GALNT7: variants seen among roughly 807,000 people sequenced by gnomAD.
GALNT7 encodes N-acetylgalactosaminyltransferase 7.
GALNT7 carries 60 observed loss-of-function variants against 82.1 expected under a neutral mutation model. The observed-to-expected ratio is 0.73, with a 90% CI of 0.59 to 0.91. The LOEUF (loss-of-function observed/expected upper bound fraction) is 0.91. GALNT7 is among the 40% of genes least tolerant of loss of function. The pLI is 0.00. For synonymous variants in GALNT7, 243 were observed against 275.1 expected (o/e 0.88, Z 1.15); for missense variants, 660 against 804.2 (o/e 0.82, Z 2.17).
At chr4:173,254,959 TA>T (rs1279984218) in intron 2 of GALNT7, among the ~76,000 whole-genome samples, 2 of 152,206 alleles carry the variant, frequency 1.3e-5, no homozygotes, top group Non-Finnish European at 2.9e-5. Context: ...CACACACATA[TA>T]AACACAAAAA....
intron 1 of GALNT7, among the ~76,000 whole-genome samples, chr4:173,191,439 G>A (rs61296981): frequency 0.066 from 10,023 of 152,204 alleles, 915 homozygotes; most frequent in African/African-American, 0.2. Context: ...CTAATGGGAA[G>A]GCTGTTGGCA....
At chr4:173,192,035 G>C (rs1477743105) in intron 1 of GALNT7, among the ~76,000 whole-genome samples, 1 of 152,168 alleles carries the variant, frequency 6.6e-6, no homozygotes, top group Non-Finnish European at 1.5e-5. Context: ...AAGTGGAAAA[G>C]GGCAAGTCTG....
At chr4:173,207,394 G>GTA (rs1393274726) in intron 1 of GALNT7, among the ~76,000 whole-genome samples, 2 of 152,102 alleles carry the variant, frequency 1.3e-5, no homozygotes, top group Non-Finnish European at 2.9e-5. Context: ...CTACATTTAT[G>GTA]TATATATATT....
At chr4:173,293,267 T>C (rs1579996879) in intron 3 of GALNT7, among the ~76,000 whole-genome samples, 1 of 152,108 alleles carries the variant, frequency 6.6e-6, no homozygotes, top group African/African-American at 2.4e-5. Flanking sequence ...GTATTCTGTA[T>C]TTTTTTACTG....
chr4:173,235,540 CCTTTT>C (rs1343198981), intron 1 of GALNT7, among the ~76,000 whole-genome samples: 1 of 132,544 alleles, frequency 7.5e-6, no homozygotes, highest in African/African-American at 2.7e-5. Flanking sequence ...CTCAAGAAAG[CCTTTT>C]CTTTTCTTTT....
intron 1 of GALNT7, among the ~76,000 whole-genome samples, chr4:173,233,419 G>A (rs1427753786): frequency 6.6e-6 from 1 of 152,128 alleles, no homozygotes; most frequent in African/African-American, 2.4e-5. Context: ...TTTTTGATAA[G>A]AACCTTTCTG....
intron 1 of GALNT7, among the ~76,000 whole-genome samples, chr4:173,206,629 C>A (rs985018162): frequency 1.3e-5 from 2 of 152,162 alleles, no homozygotes; most frequent in Non-Finnish European, 2.9e-5. Context: ...GAATATCAAA[C>A]TAGTCTTTAG....
intron 2 of GALNT7, among the ~76,000 whole-genome samples, chr4:173,278,425 A>G (rs1735992734): frequency 6.6e-6 from 1 of 152,236 alleles, no homozygotes; most frequent in Non-Finnish European, 1.5e-5. Context: ...ATATTCCTCC[A>G]TATAAACAGT....
chr4:173,290,733 A>T (rs141078049), intron 2 of GALNT7, among the ~76,000 whole-genome samples: 18 of 152,382 alleles, frequency 1.2e-4, no homozygotes, highest in Non-Finnish European at 1.8e-4. Flanking sequence ...AAAAACACAT[A>T]CCAATAGAGT....
At chr4:173,310,379 T>G (rs1422924434) in intron 8 of GALNT7, among the ~76,000 whole-genome samples, 2 of 152,174 alleles carry the variant, frequency 1.3e-5, no homozygotes, top group Non-Finnish European at 2.9e-5. Flanking sequence ...AATCCATCCC[T>G]TTCTATACTT....
intron 1 of GALNT7, among the ~76,000 whole-genome samples, chr4:173,208,454 T>TC (rs1199155491): frequency 2.6e-5 from 4 of 152,190 alleles, no homozygotes; most frequent in Non-Finnish European, 5.9e-5. Flanking sequence ...TATTTTGTAC[T>TC]CCATTATCAT....
intron 1 of GALNT7, among the ~76,000 whole-genome samples, chr4:173,216,706 C>CATATATATATATATATAT (rs202210734): frequency 7.0e-5 from 4 of 56,966 alleles, no homozygotes; most frequent in African/African-American, 3.9e-4. Flanking sequence ...GTGTACTATT[C>CATATATATATATATATAT]ATATATATAT....
At chr4:173,303,957 T>G (rs774171841) in intron 7 of GALNT7, 39 bp from the exon 8 acceptor site, 1 of 1,565,478 alleles carries the variant, frequency 6.4e-7, no homozygotes, top group East Asian at 2.3e-5. Flanking sequence ...TTTATGTTTG[T>G]ATTTGAAACA....
rs754953245 is a variant in GALNT7 at position 173,254,606 on chromosome 4, T to C, written c.587+6166T>C. 9.2e-5 allele frequency among the ~76,000 whole-genome samples: 14 copies of C among 152,210 alleles called. 1 individual carries two copies. The highest frequency in any genetic ancestry group is 1.8e-4 in the Non-Finnish European group (12 of 68,036). On this transcript the variant is annotated intron_variant, in intron 2 of 11. Transcript: ENST00000265000. ...TACATACACATACATATATGAATCA[T>C]GTATATGCAGAGGTATTTGTACTTT... is the stretch of plus-strand genomic sequence containing the variant.
At chr4:173,281,033 G>A (rs1368466206) in intron 2 of GALNT7, among the ~76,000 whole-genome samples, 3 of 152,084 alleles carry the variant, frequency 2.0e-5, no homozygotes, top group Admixed American at 2.0e-4. Context: ...CAATCCAGTC[G>A]GCCCAAAATT....
chr4:173,187,158 C>G (rs1033357043), intron 1 of GALNT7, among the ~76,000 whole-genome samples: 5 of 152,080 alleles, frequency 3.3e-5, no homozygotes, highest in Admixed American at 1.3e-4. Context: ...TTATCTACAA[C>G]CCATCCTATC....
intron 1 of GALNT7, among the ~76,000 whole-genome samples, chr4:173,222,292 A>G (rs1733671233): frequency 6.6e-6 from 1 of 152,050 alleles, no homozygotes; most frequent in Admixed American, 6.6e-5. Context: ...TTATTTTTTG[A>G]GATGGAGTCT....
At chr4:173,241,871 G>T (rs1734447264) in intron 1 of GALNT7, among the ~76,000 whole-genome samples, 1 of 152,106 alleles carries the variant, frequency 6.6e-6, no homozygotes, top group Non-Finnish European at 1.5e-5. Context: ...TTCCCAGTAG[G>T]TGGCTAAAAC....
At chr4:173,227,596 G>C (rs183558615) in intron 1 of GALNT7, among the ~76,000 whole-genome samples, 45 of 152,304 alleles carry the variant, frequency 3.0e-4, no homozygotes, top group African/African-American at 9.4e-4. Flanking sequence ...CTCCCAAAGT[G>C]TTGGGATTAC....
Sources: allele counts gnomAD v4.1 joint callset (sites outside exome capture counted in the v4.1 genomes callset), GRCh38; gene constraint gnomAD v4.1.1; transcripts MANE v1.5; gene names NCBI Gene and HGNC (gene_info 2026-07-23, HGNC 2026-07-21).